Variants in CCDC83 observed in about 807,000 individuals in gnomAD.
CCDC83 encodes the protein coiled-coil domain-containing protein 83.
A neutral mutation model predicts 50.1 loss-of-function variants in CCDC83; 54 were observed. The ratio of observed to expected loss-of-function variants is 1.08; its 90% CI spans 0.87 to 1.35. CCDC83 has a LOEUF of 1.35. Among genes scored for constraint, CCDC83 ranks in the 40% most tolerant of loss-of-function variants. The pLI is 0.00. For synonymous variants in CCDC83, 161 were observed against 153.3 expected (o/e 1.05, Z -0.37); for missense variants, 518 against 473.9 (o/e 1.09, Z -0.86).
chr11:85,919,297 G>C (rs975292538), intron 10 of CCDC83, 52 bp from the exon 11 acceptor site: 22 of 1,498,320 alleles, frequency 1.5e-5, no homozygotes, highest in Non-Finnish European at 1.9e-5. Context: ...CTATCAAGCT[G>C]GTAATTTGCT....
At chr11:85,911,256 A>G (rs748717837) in intron 7 of CCDC83, 25 bp from the exon 8 acceptor site, 1 of 1,572,664 alleles carries the variant, frequency 6.4e-7, no homozygotes, top group South Asian at 1.2e-5. Context: ...AAGTACCAAC[A>G]TTCATTCTCT....
At chr11:85,887,452 T>C (rs2093332396) in intron 5 of CCDC83, among the ~76,000 whole-genome samples, 1 of 152,116 alleles carries the variant, frequency 6.6e-6, no homozygotes, top group African/African-American at 2.4e-5. Context: ...GACCAATTTG[T>C]ATGTAAGTTT....
rs1198851720 is a variant in CCDC83 at position 85,898,990 on chromosome 11, G to T, written c.647G>T (p.Trp216Leu). ...LIDKGSYLEIWENDWLKKEVA... is the reference protein window; with the variant it reads ...LIDKGSYLEILENDWLKKEVA... Reference sequence around the variant, plus strand: ...GACAAGGGCAGTTATCTAGAGATCTGGGAGAATGACTGGCTCAAAAAAGAG... The same window carrying T: ...GACAAGGGCAGTTATCTAGAGATCTTGGAGAATGACTGGCTCAAAAAAGAG... The change falls in exon 7 of 11, where the codon TGG becomes TTG. Residue 216 changes from tryptophan to leucine, a missense_variant. Transcript: ENST00000342404. The T allele has an allele frequency of 1.2e-6, 2 of 1,611,578 alleles. No homozygotes were observed. Among genetic ancestry groups the T allele is most frequent in the Non-Finnish European group, 1.7e-6 (2 of 1,178,502 alleles).
rs201912144 is a variant in CCDC83 at position 85,873,239 on chromosome 11, C to A, written c.124C>A (p.Gln42Lys). Residue 42 changes from glutamine to lysine, a missense_variant, in exon 3 of 11, where the codon CAA becomes AAA. Coordinates refer to ENST00000342404, the MANE Select transcript of CCDC83 (RefSeq NM_001286159.2). ...QCQIKEDAVE[Q>K]FMFQIKTLRK... ...TCAAATAAAGGAAGATGCCGTGGAG[C>A]AATTCATGTTTCAAATAAAGACACT... is the stretch of plus-strand genomic sequence containing the variant. 80 of 1,557,336 alleles carry A rather than the reference C, an allele frequency of 5.1e-5. No individual in the cohort carries two copies. The highest frequency in any genetic ancestry group is 6.6e-5 in the Non-Finnish European group (76 of 1,148,356).
intron 4 of CCDC83, among the ~76,000 whole-genome samples, chr11:85,884,188 T>C (rs1267627258): frequency 2.0e-5 from 3 of 151,964 alleles, no homozygotes; most frequent in Admixed American, 1.3e-4. Context: ...CTGAGCACAA[T>C]AGAGGAGGAC....
intron 10 of CCDC83, chr11:85,918,071 A>G (rs1237672705): frequency 6.6e-6 from 1 of 152,210 alleles, no homozygotes; most frequent in Non-Finnish European, 1.5e-5. Flanking sequence ...AAATAGAATT[A>G]TATGTATTTT....
chr11:85,919,646 T>G lies in CCDC83; in HGVS notation c.*136T>G. 1 of 687,530 alleles carries G rather than the reference T, an allele frequency of 1.5e-6. No individual in the cohort carries two copies. The allele number at this position is 687,530 out of a possible 1,614,324, so 42.6% of individuals were successfully genotyped here. ...TTATTTCTAAAGGTCATATTTACATTTAAAATCAAAGGTATTCAGCTATTC... is the reference window on the plus strand; with the variant it reads ...TTATTTCTAAAGGTCATATTTACATGTAAAATCAAAGGTATTCAGCTATTC... On this transcript the variant is annotated 3_prime_UTR_variant, in exon 11 of 11. Transcript: ENST00000342404.
chr11:85,916,115 A>G lies in CCDC83; in HGVS notation c.962A>G (p.His321Arg), dbSNP rs763064890. The change falls in exon 10 of 11, where the codon CAT (histidine) becomes CGT (arginine). Residue 321 changes from histidine (H) to arginine (R), a missense_variant. Transcript: ENST00000342404. The stretch of plus-strand genomic sequence containing the variant: ...GAGAGCACTATCTTACATCTTAGTC[A>G]TGAAAATAGCATCGAAGATCTCCAG... ...SDESTILHLS[H>R]ENSIEDLQYV... The G allele has an allele frequency of 6.2e-7, 1 of 1,613,212 alleles. No individual in the cohort carries two copies. Among genetic ancestry groups the G allele is most frequent in the African/African-American group, 1.3e-5 (1 of 75,022 alleles).
chr11:85,862,970 T>C (rs1400327262), intron 1 of CCDC83, among the ~76,000 whole-genome samples: 1 of 152,230 alleles, frequency 6.6e-6, no homozygotes, highest in East Asian at 1.9e-4. Context: ...TAAAATCCTT[T>C]GCCATAAGCT....
chr11:85,891,080 TC>T, intron 5 of CCDC83, among the ~76,000 whole-genome samples: 1 of 152,266 alleles, frequency 6.6e-6, no homozygotes, highest in Non-Finnish European at 1.5e-5. Flanking sequence ...CACATTTCTC[TC>T]CCCTGATCTG....
chr11:85,869,077 C>T lies in CCDC83; in HGVS notation c.95+3859C>T, dbSNP rs142211655. ...ACAATGTTATTTTTGCCTGTTGATACAGGAAACAAATTTTTTAACGTACTA... is the reference window on the plus strand; with the variant it reads ...ACAATGTTATTTTTGCCTGTTGATATAGGAAACAAATTTTTTAACGTACTA... On this transcript the variant is annotated intron_variant, in intron 2 of 10. Transcript: ENST00000342404. 7.5e-3 allele frequency among the ~76,000 whole-genome samples: 1,148 copies of T among 152,276 alleles called. 20 individuals carry two copies. The highest frequency in any genetic ancestry group is 0.026 in the African/African-American group (1,087 of 41,566).
At position 85,899,178 on chromosome 11, in the gene CCDC83, C is replaced by A. The variant is rs575399054; in HGVS notation, c.672+163C>A. On this transcript the variant is annotated intron_variant, in intron 7 of 10. Coordinates refer to ENST00000342404, the MANE Select transcript of CCDC83 (RefSeq NM_001286159.2). ...CCTCATCTCATTACAAGCTGTTACT[C>A]AAAAAATATCATAATCTCAATAATA... 2.0e-5 allele frequency among the ~76,000 whole-genome samples: 3 copies of A among 152,184 alleles called. No homozygotes were observed. The South Asian group carries it at 6.2e-4, about 32-fold the overall frequency.
In CCDC83 at chr11:85,916,024, C is replaced by T; in HGVS notation, c.875-4C>T. 1.3e-6 allele frequency: 2 copies of T among 1,585,718 alleles called. No individual in the cohort carries two copies. Among genetic ancestry groups the T allele is most frequent in the Non-Finnish European group, 1.7e-6 (2 of 1,158,682 alleles). On this transcript the variant is annotated splice_polypyrimidine_tract_variant and splice_region_variant and intron_variant, in intron 9 of 10. Coordinates refer to ENST00000342404, the MANE Select transcript of CCDC83 (RefSeq NM_001286159.2). ...CATAATTAATTCCTTTGTATTTATC[C>T]AAGAAGAGAAGTCAGAATTGCAACC...
At chr11:85,883,476 A>C (rs996221846) in intron 4 of CCDC83, among the ~76,000 whole-genome samples, 22 of 152,112 alleles carry the variant, frequency 1.4e-4, no homozygotes, top group African/African-American at 5.3e-4. Flanking sequence ...AGTTTGGAGA[A>C]CATGGGTAGT....
Position 85,896,393 on chromosome 11 carries a change from C to A in CCDC83, c.603+1009C>A, listed in dbSNP as rs531779861. Among the ~76,000 whole-genome samples the A allele has an allele frequency of 1.2e-3, 144 of 116,166 alleles. No individual in the cohort carries two copies. In the East Asian group the frequency reaches 0.022, roughly 17 times the overall value. The allele number at this position is 116,166 out of a possible 152,430, so 76.2% of individuals were successfully genotyped here. On this transcript the variant is annotated intron_variant, in intron 6 of 10. Transcript: ENST00000342404. ...TCCAGCATGGGCAACAAAGTGAGAC[C>A]TTGTCTCAAAAAAAAAAAAAAAAAA...
chr11:85,908,007 T>A (rs886381980), intron 7 of CCDC83, among the ~76,000 whole-genome samples: 1 of 152,176 alleles, frequency 6.6e-6, no homozygotes, highest in Non-Finnish European at 1.5e-5. Flanking sequence ...CCTTAAGGCA[T>A]TCAAGCTTGT....
At chr11:85,903,395 A>G (rs947227451) in intron 7 of CCDC83, among the ~76,000 whole-genome samples, 10 of 151,954 alleles carry the variant, frequency 6.6e-5, no homozygotes, top group Non-Finnish European at 1.0e-4. Context: ...CCCAGGTTCA[A>G]GCAATTCTTG....
intron 7 of CCDC83, among the ~76,000 whole-genome samples, chr11:85,902,553 AC>A (rs1443067527): frequency 6.6e-6 from 1 of 152,164 alleles, no homozygotes; most frequent in Non-Finnish European, 1.5e-5. Context: ...ATATTCAACA[AC>A]CAGCTGTGCA....
intron 8 of CCDC83, among the ~76,000 whole-genome samples, chr11:85,915,033 T>A (rs2093471433): frequency 6.6e-6 from 1 of 152,168 alleles, no homozygotes; most frequent in Admixed American, 6.5e-5. Context: ...TACTTCCCAC[T>A]GGGTCCCTCT....
Sources: gnomAD v4.1 joint callset for allele counts (sites outside exome capture counted in the v4.1 genomes callset) on GRCh38, gnomAD v4.1.1 for gene constraint, MANE v1.5 for transcripts, NCBI Gene and HGNC (gene_info 2026-07-23, HGNC 2026-07-21) for gene names.